Variants in WWOX observed in about 807,000 individuals in gnomAD.
The protein encoded by WWOX is WW domain-containing oxidoreductase.
WWOX carries 69 observed loss-of-function variants against 46.2 expected under a neutral mutation model. The ratio of observed to expected loss-of-function variants is 1.49; its 90% CI spans 1.23 to 1.82. WWOX has a LOEUF of 1.82. Ranked by LOEUF, WWOX falls within the 40% of genes most tolerant of loss-of-function variation. WWOX has a pLI of 0.00. For missense variants in WWOX, 919 were observed against 542.6 expected, an observed-to-expected ratio of 1.69 and a Z score of -6.89; for synonymous variants, 359 against 202.6, an observed-to-expected ratio of 1.77 and a Z score of -6.56.
intron 8 of WWOX, among the ~76,000 whole-genome samples, chr16:78,954,553 CT>C (rs2046126609): frequency 6.6e-6 from 1 of 152,094 alleles, no homozygotes; most frequent in Middle Eastern, 3.2e-3. Flanking sequence ...CCTTTATATA[CT>C]TGTGGAGCAG....
At chr16:78,558,375 A>T (rs1048659545) in intron 8 of WWOX, among the ~76,000 whole-genome samples, 2 of 152,210 alleles carry the variant, frequency 1.3e-5, no homozygotes. Context: ...ATTAGCTGTG[A>T]ACATTTAAAA....
chr16:79,091,225 G>A (rs2048953674), intron 8 of WWOX, among the ~76,000 whole-genome samples: 1 of 151,584 alleles, frequency 6.6e-6, no homozygotes, highest in Non-Finnish European at 1.5e-5. Flanking sequence ...CAAACAATGT[G>A]AACAACAAAA....
At chr16:78,503,369 A>G (rs1448303580) in intron 8 of WWOX, among the ~76,000 whole-genome samples, 2 of 152,294 alleles carry the variant, frequency 1.3e-5, no homozygotes, top group African/African-American at 4.8e-5. Flanking sequence ...TTTAGTTCAG[A>G]TAATACATAT....
rs2037307594 is a variant in WWOX, at chr16:78,232,775, A to G, written c.516+68486A>G. 5.3e-5 allele frequency among the ~76,000 whole-genome samples: 8 copies of G among 152,268 alleles called. No homozygotes were observed. In the South Asian group the frequency reaches 1.4e-3, roughly 28 times the overall value. On this transcript the variant is annotated intron_variant, in intron 5 of 8. Coordinates refer to ENST00000566780, the MANE Select transcript of WWOX (RefSeq NM_016373.4). The stretch of plus-strand genomic sequence containing the variant: ...GTAGACTGCTTCTTATGTGATTCTT[A>G]CTGGTCTATTATTTATCAAGAAATT...
At chr16:78,950,768 T>C (rs2046044008) in intron 8 of WWOX, among the ~76,000 whole-genome samples, 1 of 152,194 alleles carries the variant, frequency 6.6e-6, no homozygotes, top group African/African-American at 2.4e-5. Flanking sequence ...TGGAATGATC[T>C]ACTGGCATCA....
chr16:79,036,810 T>C (rs1434660371), intron 8 of WWOX, among the ~76,000 whole-genome samples: 1 of 152,170 alleles, frequency 6.6e-6, no homozygotes, highest in South Asian at 2.1e-4. Flanking sequence ...TCAGAAGAGA[T>C]GAACTGTGCT....
intron 8 of WWOX, among the ~76,000 whole-genome samples, chr16:78,435,882 TGATG>T (rs1414161466): frequency 2.6e-5 from 4 of 152,168 alleles, no homozygotes; most frequent in African/African-American, 9.7e-5. Context: ...ACATCAATAA[TGATG>T]GATATAGAAT....
intron 5 of WWOX, among the ~76,000 whole-genome samples, chr16:78,235,991 T>A (rs2032310693): frequency 3.9e-5 from 6 of 152,204 alleles, no homozygotes; most frequent in Admixed American, 3.9e-4. Flanking sequence ...TTGCAACTTC[T>A]CAACTCTCCT....
intron 8 of WWOX, among the ~76,000 whole-genome samples, chr16:78,876,472 T>C (rs1269478132): frequency 7.9e-6 from 1 of 126,484 alleles, no homozygotes; most frequent in Admixed American, 7.5e-5. Flanking sequence ...TGACTCTTCT[T>C]TTTTTTTTTT....
chr16:78,991,860 T>C (rs868345338), intron 8 of WWOX, among the ~76,000 whole-genome samples: 5 of 152,190 alleles, frequency 3.3e-5, no homozygotes, highest in East Asian at 3.9e-4. Flanking sequence ...CTCCTGTCCA[T>C]GTGGGGCCCT....
rs199585408 is a variant in WWOX, at chr16:79,211,696, G to A, written c.1145G>A (p.Cys382Tyr). The change falls in exon 9 of 9, where the codon TGC becomes TAC. Residue 382 changes from cysteine to tyrosine, a missense_variant. Coordinates refer to ENST00000566780, the MANE Select transcript of WWOX (RefSeq NM_016373.4). ...GGMYFNNCCR[C>Y]MPSPEAQSEE... ...ATGTACTTCAACAACTGCTGCCGCT[G>A]CATGCCCTCACCAGAAGCTCAGAGC... 1.2e-4 allele frequency: 189 copies of A among 1,614,242 alleles called. No individual in the cohort carries two copies. The highest frequency in any genetic ancestry group is 1.6e-4 in the Non-Finnish European group (183 of 1,180,050).
Position 78,350,794 on chromosome 16 carries a change from C to T in WWOX, c.517-36066C>T, listed in dbSNP as rs1442350482. On this transcript the variant is annotated intron_variant, in intron 5 of 8. Coordinates refer to ENST00000566780, the MANE Select transcript of WWOX (RefSeq NM_016373.4). ...ACATTTTTGTGTGGATATAGGTTTA[C>T]CTTTTTTGGGGTATGCTCCTAAGAG... Among the ~76,000 whole-genome samples the T allele has an allele frequency of 1.7e-5, 2 of 120,198 alleles. 1 individual carries two copies. Among genetic ancestry groups the T allele is most frequent in the Non-Finnish European group, 4.0e-5 (2 of 50,402 alleles). The allele number at this position is 120,198 out of a possible 152,430, so 78.9% of individuals were successfully genotyped here.
intron 8 of WWOX, among the ~76,000 whole-genome samples, chr16:78,713,889 G>A (rs1312190607): frequency 2.6e-5 from 4 of 152,176 alleles, no homozygotes; most frequent in East Asian, 1.9e-4. Flanking sequence ...ATGATTTGGG[G>A]TGATGGAACA....
At position 78,735,245 on chromosome 16, in the gene WWOX, C is replaced by G. The variant is rs192118167; in HGVS notation, c.1056+302493C>G. On this transcript the variant is annotated intron_variant, in intron 8 of 8. Transcript: ENST00000566780. The stretch of plus-strand genomic sequence containing the variant: ...GTGTTTTGATCTTGCTGGAGTTGGA[C>G]TGAAACTACACATCAGTTCTCCTGG... 2.6e-5 allele frequency among the ~76,000 whole-genome samples: 4 copies of G among 152,174 alleles called. No homozygotes were observed. In the East Asian group the frequency reaches 7.8e-4, roughly 30 times the overall value.
At chr16:78,165,737 G>T (rs1390165160) in intron 5 of WWOX, among the ~76,000 whole-genome samples, 1 of 152,092 alleles carries the variant, frequency 6.6e-6, no homozygotes, top group Non-Finnish European at 1.5e-5. Context: ...TGGTACTCTG[G>T]ACTGAAAAGT....
intron 8 of WWOX, among the ~76,000 whole-genome samples, chr16:78,945,199 G>GAA (rs1567666644): frequency 6.6e-6 from 1 of 151,940 alleles, no homozygotes; most frequent in Non-Finnish European, 1.5e-5. Flanking sequence ...AAAAGAAAAA[G>GAA]AAAGAAAAAG....
rs2044832173 is a variant in WWOX, at chr16:78,575,045, AT to A, written c.1056+142294del. Among the ~76,000 whole-genome samples, 56 of 7,158 alleles carry A rather than the reference AT, an allele frequency of 7.8e-3. 1 individual carries two copies. The highest frequency in any genetic ancestry group is 0.01 in the Non-Finnish European group (39 of 3,722). 4.7% of individuals were successfully genotyped at this position (7,158 alleles called of 152,430 possible). ...TAAATATATATATATATATATATAT[AT>A]ATATATATATATATATATATATATA... On this transcript the variant is annotated intron_variant, in intron 8 of 8. Coordinates refer to ENST00000566780, the MANE Select transcript of WWOX (RefSeq NM_016373.4).
At chr16:78,631,254 C>T (rs910643629) in intron 8 of WWOX, among the ~76,000 whole-genome samples, 5 of 152,120 alleles carry the variant, frequency 3.3e-5, no homozygotes, top group African/African-American at 1.2e-4. Context: ...CGTGACATCT[C>T]ATCCACCCCT....
At chr16:78,212,854 T>G (rs1794508731) in intron 5 of WWOX, among the ~76,000 whole-genome samples, 1 of 152,012 alleles carries the variant, frequency 6.6e-6, no homozygotes. Context: ...TGCACTGGAG[T>G]GTGCTGCTGT....
Sources: gnomAD v4.1 joint callset for allele counts (sites outside exome capture counted in the v4.1 genomes callset) on GRCh38, gnomAD v4.1.1 for gene constraint, MANE v1.5 for transcripts, NCBI Gene and HGNC (gene_info 2026-07-23, HGNC 2026-07-21) for gene names.